The following CERK variants were observed in gnomAD, a reference collection of about 807,000 sequenced individuals.
CERK encodes ceramide kinase, also known as acylsphingosine kinase.
A neutral mutation model predicts 63.4 loss-of-function variants in CERK; 39 were observed. The observed-to-expected ratio is 0.61, with a 90% CI of 0.48 to 0.80. CERK has a LOEUF of 0.80. Ranked by LOEUF, CERK falls within the 30% of genes least tolerant of loss-of-function variation. The probability of loss-of-function intolerance (pLI) is 0.00; values close to 1 mark genes in which losing one functional copy is unlikely to be tolerated. For synonymous variants in CERK, 302 were observed against 280.0 expected (o/e 1.08, Z -0.78); for missense variants, 670 against 714.1 (o/e 0.94, Z 0.70).
chr22:46,726,855 C>T (rs935535810), intron 1 of CERK, among the ~76,000 whole-genome samples: 5 of 152,068 alleles, frequency 3.3e-5, no homozygotes, highest in African/African-American at 4.8e-5. Flanking sequence ...CCAGAACCCA[C>T]GTGACGCCCA....
chr22:46,701,211 C>T (rs1388075860), intron 7 of CERK, among the ~76,000 whole-genome samples: 1 of 152,172 alleles, frequency 6.6e-6, no homozygotes, highest in Non-Finnish European at 1.5e-5. Flanking sequence ...GGACTGAAGC[C>T]TCGAGGCCTC....
chr22:46,695,625 A>G (rs991222200), intron 8 of CERK, among the ~76,000 whole-genome samples: 2 of 152,206 alleles, frequency 1.3e-5, no homozygotes, highest in African/African-American at 4.8e-5. Flanking sequence ...GCCACCCCTC[A>G]TAGCCTCGAT....
intron 7 of CERK, among the ~76,000 whole-genome samples, chr22:46,700,960 A>T (rs2082780514): frequency 6.6e-6 from 1 of 152,046 alleles, no homozygotes; most frequent in Admixed American, 6.5e-5. Context: ...GCGGTGAGCC[A>T]AGATAGCGCC....
chr22:46,692,947 AAAT>A (rs1247885091), intron 10 of CERK, among the ~76,000 whole-genome samples: 3 of 152,090 alleles, frequency 2.0e-5, no homozygotes, highest in South Asian at 2.1e-4. Flanking sequence ...AAAAAAATCA[AAAT>A]AATAATATTT....
intron 1 of CERK, among the ~76,000 whole-genome samples, chr22:46,737,198 A>G (rs1301833058): frequency 2.0e-5 from 3 of 150,378 alleles, no homozygotes; most frequent in East Asian, 2.0e-4. Context: ...AGGCTGAGGC[A>G]GGGAGAATTG....
intron 11 of CERK, among the ~76,000 whole-genome samples, chr22:46,691,056 T>TATACACACACACACAC (rs1555982641): frequency 6.8e-6 from 1 of 147,194 alleles, no homozygotes; most frequent in Non-Finnish European, 1.5e-5. Flanking sequence ...TATACATACA[T>TATACACACACACACAC]ACACACACAC....
At position 46,714,880 on chromosome 22, in the gene CERK, A is replaced by G. The variant is rs2082859347; in HGVS notation, c.380-2587T>C. On this transcript the variant is annotated intron_variant, in intron 3 of 12. Coordinates refer to ENST00000216264, the MANE Select transcript of CERK (RefSeq NM_022766.6). This position sits in a 1 kb window ranked among gnomAD's most constrained non-coding sequence, Gnocchi z 4.4. ...AAAAATCCTAAACACAATATCGGTA[A>G]GTCAAATCCAGTGACACATAAACAG... Among the ~76,000 whole-genome samples, 1 of 152,192 alleles carries G rather than the reference A, an allele frequency of 6.6e-6. No individual in the cohort carries two copies. The highest frequency in any genetic ancestry group is 2.1e-4 in the South Asian group (1 of 4,824).
intron 12 of CERK, among the ~76,000 whole-genome samples, chr22:46,689,474 G>A (rs908249292): frequency 2.0e-5 from 3 of 152,200 alleles, no homozygotes; most frequent in South Asian, 2.1e-4. Context: ...GGGTTCAAGC[G>A]ACTCTCCTGC....
intron 1 of CERK, among the ~76,000 whole-genome samples, chr22:46,723,814 C>G (rs1313194322): frequency 6.6e-6 from 1 of 151,986 alleles, no homozygotes; most frequent in Non-Finnish European, 1.5e-5. Flanking sequence ...TCTCCTGCCT[C>G]AGCCTCCTGA....
intron 1 of CERK, among the ~76,000 whole-genome samples, chr22:46,723,062 C>T (rs182002139): frequency 6.6e-5 from 10 of 152,242 alleles, no homozygotes; most frequent in East Asian, 5.8e-4. Context: ...TACAAGTGTT[C>T]GGGACAGGGC....
At chr22:46,731,539 A>G (rs141812065) in intron 1 of CERK, among the ~76,000 whole-genome samples, 9 of 152,362 alleles carry the variant, frequency 5.9e-5, no homozygotes, top group East Asian at 1.9e-4. Flanking sequence ...CAGAAGGTGT[A>G]AACGCTGCCC....
intron 3 of CERK, among the ~76,000 whole-genome samples, chr22:46,719,148 T>TTGTGTGTGTGTGTGTGTG (rs10583580): frequency 1.4e-4 from 21 of 150,000 alleles, no homozygotes; most frequent in African/African-American, 4.9e-4. Context: ...ACCTACCACT[T>TTGTGTGTGTGTGTGTGTG]TGTGTGTGTG....
At chr22:46,690,475 A>G (rs1236612151) in intron 11 of CERK, among the ~76,000 whole-genome samples, 1 of 152,156 alleles carries the variant, frequency 6.6e-6, no homozygotes, top group Non-Finnish European at 1.5e-5. Flanking sequence ...GCACTTGTCA[A>G]AATGACTTCT....
chr22:46,722,749 G>C (rs1446921382), intron 1 of CERK, among the ~76,000 whole-genome samples: 1 of 152,166 alleles, frequency 6.6e-6, no homozygotes, highest in African/African-American at 2.4e-5. Context: ...AGTAGAGACA[G>C]GGTTTTGCCA....
At chr22:46,689,504 G>A (rs1437275044) in intron 12 of CERK, among the ~76,000 whole-genome samples, 1 of 152,182 alleles carries the variant, frequency 6.6e-6, no homozygotes, top group Non-Finnish European at 1.5e-5. Flanking sequence ...CGGGGTAGCT[G>A]GGATTACAGG....
At chr22:46,706,964 G>C (rs181233843) in intron 6 of CERK, among the ~76,000 whole-genome samples, 1 of 152,124 alleles carries the variant, frequency 6.6e-6, no homozygotes. Context: ...AGTTGAGAGC[G>C]GCACCCACAG....
chr22:46,715,823 G>A (rs28415494), intron 3 of CERK, among the ~76,000 whole-genome samples: 11,275 of 152,264 alleles, frequency 0.074, 521 homozygotes, highest in Non-Finnish European at 0.1. Context: ...AGAATAAAAC[G>A]TCTTCGTGAC....
At chr22:46,706,833 C>T (rs2082815197) in intron 6 of CERK, among the ~76,000 whole-genome samples, 1 of 152,212 alleles carries the variant, frequency 6.6e-6, no homozygotes. Flanking sequence ...CCGTGGGGAA[C>T]ATTTGCCTCA....
intron 1 of CERK, among the ~76,000 whole-genome samples, chr22:46,726,841 G>A (rs1489649074): frequency 6.6e-6 from 1 of 152,074 alleles, no homozygotes; most frequent in Non-Finnish European, 1.5e-5. Context: ...GAAGGTGGGG[G>A]AAGCCAGAAC....
Sources: gnomAD v4.1 joint callset for allele counts (sites outside exome capture counted in the v4.1 genomes callset) on GRCh38, gnomAD v4.1.1 for gene constraint, Gnocchi (gnomAD v3.1) non-coding constraint, MANE v1.5 for transcripts, NCBI Gene and HGNC (gene_info 2026-07-23, HGNC 2026-07-21) for gene names.